Variants in GRM1 observed in about 807,000 individuals in gnomAD.
GRM1 encodes the protein glutamate metabotropic receptor 1.
In GRM1, 33 loss-of-function variants were observed where a neutral mutation model predicts 90.9. The observed-to-expected ratio is 0.36, with a 90% CI of 0.28 to 0.49. The LOEUF (loss-of-function observed/expected upper bound fraction) is 0.49, where lower values mean the gene tolerates loss of function less well. GRM1 is among the 20% of genes least tolerant of loss of function. The pLI is 0.99. For synonymous variants in GRM1, 700 were observed against 613.2 expected, an observed-to-expected ratio of 1.14 and a Z score of -2.09; for missense variants, 1,190 against 1,534.3, an observed-to-expected ratio of 0.78 and a Z score of 3.75.
chr6:146,107,469 G>A (rs1775356097), intron 1 of GRM1, among the ~76,000 whole-genome samples: 1 of 151,900 alleles, frequency 6.6e-6, no homozygotes, highest in Admixed American at 6.6e-5. Flanking sequence ...GAGGCTTCCT[G>A]CAGGCAATTG....
intron 1 of GRM1, among the ~76,000 whole-genome samples, chr6:146,050,573 AAG>A (rs1791488772): frequency 6.6e-6 from 1 of 152,074 alleles, no homozygotes; most frequent in Non-Finnish European, 1.5e-5. Flanking sequence ...GGATATTTTT[AAG>A]AGGGGGGAGG....
At chr6:146,287,902 G>A (rs999138258) in intron 2 of GRM1, among the ~76,000 whole-genome samples, 8 of 152,172 alleles carry the variant, frequency 5.3e-5, no homozygotes, top group Non-Finnish European at 8.8e-5. Context: ...CCAGTGAAAT[G>A]CATTTTGGAT....
chr6:146,396,090 A>ATCTATCTATCTATCTG (rs1554307315), intron 6 of GRM1, among the ~76,000 whole-genome samples: 23,616 of 150,540 alleles, frequency 0.16, 2,182 homozygotes, highest in Middle Eastern at 0.23. Flanking sequence ...CTATCTATCT[A>ATCTATCTATCTATCTG]TCTATCTATC....
At chr6:146,376,115 CAACTT>C (rs1036518583) in intron 5 of GRM1, among the ~76,000 whole-genome samples, 3 of 152,116 alleles carry the variant, frequency 2.0e-5, no homozygotes, top group Admixed American at 2.0e-4. Context: ...AACCTCATAA[CAACTT>C]AACACTGTTT....
chr6:146,155,730 C>T (rs575859270), intron 1 of GRM1, among the ~76,000 whole-genome samples: 239 of 152,290 alleles, frequency 1.6e-3, no homozygotes, highest in Non-Finnish European at 2.5e-3. Context: ...ATAAAAGCCT[C>T]CTGGGATGAA....
rs146366011 is a variant in GRM1, at chr6:146,377,956, G to A, written c.1603-8934G>A. 3.7e-3 allele frequency among the ~76,000 whole-genome samples: 561 copies of A among 152,256 alleles called. 5 individuals carry two copies. Among genetic ancestry groups the A allele is most frequent in the Middle Eastern group, 0.02 (6 of 294 alleles). On this transcript the variant is annotated intron_variant, in intron 5 of 7. Coordinates refer to ENST00000282753, the MANE Select transcript of GRM1 (RefSeq NM_001278064.2). ...GTGCACCCTAGGGATTTGGTGCCCT[G>A]CATCCCAGCTGTGGCTAAAATGGGC...
At chr6:146,089,835 G>A (rs940507715) in intron 1 of GRM1, among the ~76,000 whole-genome samples, 4 of 151,970 alleles carry the variant, frequency 2.6e-5, no homozygotes, top group Admixed American at 6.6e-5. Flanking sequence ...AAGAGATATC[G>A]CATTGTTACT....
At chr6:146,375,155 T>G (rs534830237) in intron 5 of GRM1, among the ~76,000 whole-genome samples, 2 of 152,210 alleles carry the variant, frequency 1.3e-5, no homozygotes, top group East Asian at 3.9e-4. Context: ...AGCATATTGT[T>G]TAATTTCCAC....
chr6:146,309,408 A>T (rs1053804430), intron 3 of GRM1, among the ~76,000 whole-genome samples: 1 of 152,076 alleles, frequency 6.6e-6, no homozygotes, highest in Non-Finnish European at 1.5e-5. Context: ...CAAAAAAAAA[A>T]AAACAGAACA....
intron 3 of GRM1, among the ~76,000 whole-genome samples, chr6:146,328,605 T>C (rs1489440626): frequency 6.6e-6 from 1 of 152,224 alleles, no homozygotes; most frequent in Admixed American, 6.5e-5. Context: ...ATATGTAATG[T>C]ACATATATTC....
At chr6:146,381,559 C>G (rs902622510) in intron 5 of GRM1, among the ~76,000 whole-genome samples, 1 of 152,134 alleles carries the variant, frequency 6.6e-6, no homozygotes, top group Non-Finnish European at 1.5e-5. Flanking sequence ...GTGCCTCTTT[C>G]ATCAATATGA....
chr6:146,159,679 A>G (rs1158553909), intron 2 of GRM1, 82 bp downstream of exon 2: 3 of 1,408,140 alleles, frequency 2.1e-6, no homozygotes, highest in Non-Finnish European at 2.9e-6. Flanking sequence ...TGAAACACAT[A>G]TGCTTGCTTT....
At position 146,079,844 on chromosome 6, in the gene GRM1, C is replaced by T. The variant is rs9403766; in HGVS notation, c.700+49627C>T. Among the ~76,000 whole-genome samples the T allele has an allele frequency of 9.7e-3, 1,478 of 152,160 alleles. 53 individuals are homozygous for T. In the East Asian group the frequency reaches 0.15, roughly 15 times the overall value. On this transcript the variant is annotated intron_variant, in intron 1 of 7. Coordinates refer to ENST00000282753, the MANE Select transcript of GRM1 (RefSeq NM_001278064.2). ...ATCAGTGGAATTTTCATTTTCATTG[C>T]CCGTGCAGGCAAATCCACCATATCT... is the stretch of plus-strand genomic sequence containing the variant.
chr6:146,327,986 G>T (rs188717602), intron 3 of GRM1, among the ~76,000 whole-genome samples: 1 of 152,106 alleles, frequency 6.6e-6, no homozygotes, highest in African/African-American at 2.4e-5. Flanking sequence ...GATGTGAGGC[G>T]CCCCACAGAT....
chr6:146,115,341 T>C (rs2128875239), intron 1 of GRM1, among the ~76,000 whole-genome samples: 1 of 152,220 alleles, frequency 6.6e-6, no homozygotes, highest in African/African-American at 2.4e-5. Context: ...ATGTATAGTC[T>C]CTCACACCAG....
intron 2 of GRM1, among the ~76,000 whole-genome samples, chr6:146,197,094 A>C (rs1206527172): frequency 6.6e-6 from 1 of 152,216 alleles, no homozygotes; most frequent in Non-Finnish European, 1.5e-5. Context: ...ATGGGAGAGC[A>C]CAGACAGGAG....
chr6:146,040,600 G>A (rs1336385920), intron 1 of GRM1, among the ~76,000 whole-genome samples: 2 of 151,962 alleles, frequency 1.3e-5, no homozygotes, highest in Non-Finnish European at 2.9e-5. Context: ...CTCCTGGCCT[G>A]TGGTTTCCAC....
At chr6:146,130,659 T>A (rs1776367573) in intron 1 of GRM1, among the ~76,000 whole-genome samples, 1 of 152,108 alleles carries the variant, frequency 6.6e-6, no homozygotes, top group African/African-American at 2.4e-5. Flanking sequence ...TCTTATTATT[T>A]TTGTACTAAA....
Position 146,171,673 on chromosome 6 carries a change from G to T in GRM1, c.950+12076G>T. The T allele has an allele frequency of 2.1e-5, 6 of 284,090 alleles. No individual in the cohort carries two copies. In the South Asian group the frequency reaches 2.9e-4, roughly 14 times the overall value. 17.6% of individuals were successfully genotyped at this position (284,090 alleles called of 1,614,324 possible). Reference sequence around the variant, plus strand: ...ATACTGAGTACATCAAAGATGACTGGCAACAACTAGAGGAGGACATGAAGA... The same window carrying T: ...ATACTGAGTACATCAAAGATGACTGTCAACAACTAGAGGAGGACATGAAGA... On this transcript the variant is annotated intron_variant, in intron 2 of 7. Transcript: ENST00000282753.
Sources: gnomAD v4.1 joint callset for allele counts (sites outside exome capture counted in the v4.1 genomes callset) on GRCh38, gnomAD v4.1.1 for gene constraint, MANE v1.5 for transcripts, NCBI Gene and HGNC (gene_info 2026-07-23, HGNC 2026-07-21) for gene names.